Variants in ACY3 observed in about 807,000 individuals in gnomAD.
ACY3 encodes the protein N-acyl-aromatic-L-amino acid amidohydrolase (carboxylate-forming).
Under a neutral mutation model 24.6 loss-of-function variants are expected in ACY3, and 20 were observed. That is an observed-to-expected ratio of 0.81 (90% CI 0.57 to 1.18). The LOEUF (loss-of-function observed/expected upper bound fraction) is 1.18. Ranked by LOEUF, ACY3 falls within the 50% of genes most tolerant of loss-of-function variation. The pLI, the probability that ACY3 is intolerant of heterozygous loss-of-function variation, is 0.00. For synonymous variants in ACY3, 174 were observed against 188.4 expected, an observed-to-expected ratio of 0.92 and a Z score of 0.62; for missense variants, 423 against 426.8, an observed-to-expected ratio of 0.99 and a Z score of 0.08.
chr11:67,647,135 G>A (rs900037311), intron 2 of ACY3, 72 bp from the exon 3 acceptor site: 5 of 1,160,978 alleles, frequency 4.3e-6, no homozygotes, highest in South Asian at 1.6e-5. Context: ...GGATGGCGGT[G>A]GGAGGCTCCA....
chr11:67,642,557 T>C lies in ACY3; in HGVS notation c.*167A>G, dbSNP rs1196021318. ...ACAGAGGACACAAACCATGGACCTC[T>C]GGACATCTTCCATTTTATAGAAAGG... On this transcript the variant is annotated 3_prime_UTR_variant, in exon 8 of 8. Transcript: ENST00000255082. 12 of 686,782 alleles carry C rather than the reference T, an allele frequency of 1.7e-5. No homozygotes were observed. In the East Asian group the frequency reaches 3.2e-4, roughly 18 times the overall value. The allele number at this position is 686,782 out of a possible 1,614,324, so 42.5% of individuals were successfully genotyped here.
In ACY3 at chr11:67,642,772, G is replaced by A. The variant is rs145815101; in HGVS notation, c.912C>T (p.Thr304=). ...GGGTCAGCGCGGGCATGGCAGGCACGGTGAATGTGAACTTCTCAGTCTGGA... is the reference window on the plus strand; with the variant it reads ...GGGTCAGCGCGGGCATGGCAGGCACAGTGAATGTGAACTTCTCAGTCTGGA... ...AFVQTEKFTF[T]VPAMPALTPA... Residue 304 remains threonine (T), a synonymous_variant, in exon 8 of 8, where the codon ACC becomes ACT. Transcript: ENST00000255082. 5.5e-4 allele frequency: 891 copies of A among 1,614,120 alleles called. 5 individuals carry two copies. The highest frequency in any genetic ancestry group is 4.7e-3 in the South Asian group (432 of 91,082).
At position 67,645,823 on chromosome 11, in the gene ACY3, C is replaced by T. The variant is rs140175127; in HGVS notation, c.301G>A (p.Gly101Arg). 4.3e-6 allele frequency: 7 copies of T among 1,613,778 alleles called. No homozygotes were observed. Among genetic ancestry groups the T allele is most frequent in the Non-Finnish European group, 5.9e-6 (7 of 1,179,770 alleles). The change falls in exon 4 of 8, where the codon GGG (glycine) becomes AGG (arginine). Residue 101 changes from glycine to arginine, a missense_variant. Physicochemically the swap from Gly to Arg is moderately radical, Grantham distance 125. Coordinates refer to ENST00000255082, the MANE Select transcript of ACY3 (RefSeq NM_080658.2). Reference sequence around the variant, plus strand: ...AAGGCCTGGCCCGAGGCCTTGGGCCCCAGCAGCTGGTTCAGCTCTCGGGCT... The same window carrying T: ...AAGGCCTGGCCCGAGGCCTTGGGCCTCAGCAGCTGGTTCAGCTCTCGGGCT... The part of the protein sequence containing the change: ...TRARELNQLL[G>R]PKASGQAFDF...
At chr11:67,645,498 A>C in intron 4 of ACY3, 118 bp from the exon 5 acceptor site, 1 of 1,265,538 alleles carries the variant, frequency 7.9e-7, no homozygotes, top group Non-Finnish European at 1.1e-6. Flanking sequence ...GTCTCCCTCT[A>C]CCCTCTGGCA....
At chr11:67,647,731 C>G (rs905845895) in intron 1 of ACY3, 142 bp from the exon 2 acceptor site, 1 of 152,378 alleles carries the variant, frequency 6.6e-6, no homozygotes, top group Non-Finnish European at 1.5e-5. Flanking sequence ...CACGCTGCTA[C>G]TTGTGCTGCC....
At chr11:67,647,169 T>G (rs1591132408) in intron 2 of ACY3, 106 bp from the exon 3 acceptor site, 1 of 805,552 alleles carries the variant, frequency 1.2e-6, no homozygotes, top group Non-Finnish European at 1.9e-6. Context: ...TGTCAAGAGG[T>G]GTGGACAGCT....
Position 67,645,872 on chromosome 11 carries a change from C to T in ACY3, c.252G>A (p.Pro84=), listed in dbSNP as rs372134991. ...TSSFLNSRPT[P]DDPYEVTRAR... ...CTCTTGTCACCTCATATGGGTCGTC[C>T]GGGGTGGGCCTGGAACTGTGGAGAC... Residue 84 remains proline, a synonymous_variant, in exon 4 of 8, where the codon CCG becomes CCA. Coordinates refer to ENST00000255082, the MANE Select transcript of ACY3 (RefSeq NM_080658.2). 1.5e-5 allele frequency: 24 copies of T among 1,604,816 alleles called. No individual in the cohort carries two copies. The highest frequency in any genetic ancestry group is 5.4e-5 in the African/African-American group (4 of 74,504).
intron 1 of ACY3, among the ~76,000 whole-genome samples, chr11:67,648,432 C>T (rs1380597610): frequency 6.6e-6 from 1 of 152,222 alleles, no homozygotes; most frequent in Non-Finnish European, 1.5e-5. Flanking sequence ...AGGTCCCCTG[C>T]ACTCAGCCCT....
In ACY3 at chr11:67,645,750, C is replaced by T; in HGVS notation, c.374G>A (p.Cys125Tyr). 4.3e-6 allele frequency: 7 copies of T among 1,613,674 alleles called. No homozygotes were observed. The highest frequency in any genetic ancestry group is 5.9e-6 in the Non-Finnish European group (7 of 1,179,908). Residue 125 changes from cysteine to tyrosine, a missense_variant, in exon 4 of 8, where the codon TGC (cysteine) becomes TAC (tyrosine). Transcript: ENST00000255082. ...LHNTTANMGT[C>Y]LIAKSSHEVF... ...TTCGTGGGAGGACTTCGCGATTAAG[C>T]AGGTGCCCATGTTGGCCGTGGTGTT...
chr11:67,642,574 A>C lies in ACY3; in HGVS notation c.*150T>G. ...TGGACCTCTGGACATCTTCCATTTTATAGAAAGGGAAATTGAGGCCAGGGG... is the reference window on the plus strand; with the variant it reads ...TGGACCTCTGGACATCTTCCATTTTCTAGAAAGGGAAATTGAGGCCAGGGG... On this transcript the variant is annotated 3_prime_UTR_variant, in exon 8 of 8. Transcript: ENST00000255082. The C allele has an allele frequency of 1.3e-6, 1 of 749,130 alleles. No homozygotes were observed. Among genetic ancestry groups the C allele is most frequent in the Non-Finnish European group, 2.3e-6 (1 of 440,868 alleles). The allele number at this position is 749,130 out of a possible 1,614,324, so 46.4% of individuals were successfully genotyped here.
chr11:67,644,613 TC>T lies in ACY3; in HGVS notation c.744+146del, dbSNP rs1253233022. 4 of 740,082 alleles carry T rather than the reference TC, an allele frequency of 5.4e-6. No homozygotes were observed. In the African/African-American group the frequency reaches 7.0e-5, roughly 13 times the overall value. The allele number at this position is 740,082 out of a possible 1,614,324, so 45.8% of individuals were successfully genotyped here. On this transcript the variant is annotated intron_variant, in intron 7 of 7. Transcript: ENST00000255082. ...TGGGATGGCGGAGCCCAGCCTCCCATCCTGCTCCTCAACCCGAGATGCTGGT... is the reference window on the plus strand; with the variant it reads ...TGGGATGGCGGAGCCCAGCCTCCCATCTGCTCCTCAACCCGAGATGCTGGT...
chr11:67,646,689 T>G (rs898819372), intron 3 of ACY3, 119 bp downstream of exon 3: 1 of 979,694 alleles, frequency 1.0e-6, no homozygotes, highest in African/African-American at 1.6e-5. Context: ...ATGGGCCACA[T>G]AGGCAGAGGG....
intron 1 of ACY3, among the ~76,000 whole-genome samples, chr11:67,650,080 G>A (rs1855600046): frequency 6.6e-6 from 1 of 152,156 alleles, no homozygotes; most frequent in African/African-American, 2.4e-5. Context: ...GGGGAGTGAG[G>A]AACAAAGGGC....
At chr11:67,644,607 C>A (rs1855471113) in intron 7 of ACY3, among the ~76,000 whole-genome samples, 153 bp downstream of exon 7, 1 of 152,154 alleles carries the variant, frequency 6.6e-6, no homozygotes, top group Admixed American at 6.5e-5. Flanking sequence ...GGAGCCCAGC[C>A]TCCCATCCTG....
chr11:67,646,760 G>T, intron 3 of ACY3, 48 bp downstream of exon 3: 3 of 1,565,652 alleles, frequency 1.9e-6, no homozygotes, highest in South Asian at 2.3e-5. Context: ...TTGTGGTGGG[G>T]ACTCGGTGCC....
At chr11:67,643,151 T>A (rs529694860) in intron 7 of ACY3, among the ~76,000 whole-genome samples, 1 of 152,374 alleles carries the variant, frequency 6.6e-6, no homozygotes, top group Non-Finnish European at 1.5e-5. Flanking sequence ...TGGGGTGGCA[T>A]GTGCCCATGT....
Position 67,645,300 on chromosome 11 carries a change from G to C in ACY3, c.513C>G (p.Ala171=), listed in dbSNP as rs17148450. 0.082 allele frequency: 132,147 copies of C among 1,613,372 alleles called. 5,944 individuals are homozygous for C. The highest frequency in any genetic ancestry group is 0.14 in the East Asian group (6,153 of 44,860). Residue 171 remains alanine, a synonymous_variant, in exon 5 of 8, where the codon GCC becomes GCG. Coordinates refer to ENST00000255082, the MANE Select transcript of ACY3 (RefSeq NM_080658.2). The part of the protein sequence containing the change: ...GEESYNLDSV[A]KNGLGLELGP... ...GCTGCGGCCCACCCAGTCCATTTTT[G>C]GCCACAGAGTCCAGGTTGTAGCTCT...
At position 67,648,808 on chromosome 11, in the gene ACY3, G is replaced by A. The variant is rs78988523; in HGVS notation, c.-94-1219C>T. 4.0e-3 allele frequency among the ~76,000 whole-genome samples: 604 copies of A among 152,330 alleles called. 8 individuals carry two copies. Among genetic ancestry groups the A allele is most frequent in the African/African-American group, 0.014 (582 of 41,570 alleles). Reference sequence around the variant, plus strand: ...GTGAGCTCAGAGCATGGCGATTGTGGGGACAGGGGATTTGTCATCCTGGCT... The same window carrying A: ...GTGAGCTCAGAGCATGGCGATTGTGAGGACAGGGGATTTGTCATCCTGGCT... On this transcript the variant is annotated intron_variant, in intron 1 of 7. Transcript: ENST00000255082.
intron 3 of ACY3, among the ~76,000 whole-genome samples, chr11:67,646,365 A>G (rs1056956768): frequency 6.6e-6 from 1 of 152,336 alleles, no homozygotes; most frequent in African/African-American, 2.4e-5. Context: ...CCCCTGGGTT[A>G]TGGTTGCCCG....
Sources: gnomAD v4.1 joint callset for allele counts (sites outside exome capture counted in the v4.1 genomes callset) on GRCh38, gnomAD v4.1.1 for gene constraint, MANE v1.5 for transcripts, NCBI Gene and HGNC (gene_info 2026-07-23, HGNC 2026-07-21) for gene names.